The following ZNF385D variants were observed in gnomAD, a reference collection of about 807,000 sequenced individuals.
ZNF385D encodes the protein zinc finger protein 385D, also known as zinc finger protein 659.
In ZNF385D, 15 loss-of-function variants were observed where a neutral mutation model predicts 35.8. The observed-to-expected ratio is 0.42, with a 90% CI of 0.28 to 0.64. The LOEUF is 0.64. Among genes scored for constraint, ZNF385D ranks in the 30% least tolerant of loss-of-function variants. The probability of loss-of-function intolerance (pLI) is 0.23; values close to 1 mark genes in which losing one functional copy is unlikely to be tolerated. For synonymous variants in ZNF385D, 212 were observed against 186.8 expected, an observed-to-expected ratio of 1.13 and a Z score of -1.10; for missense variants, 474 against 494.6, an observed-to-expected ratio of 0.96 and a Z score of 0.39.
Position 21,602,512 on chromosome 3 carries a change from A to ATTTTTTTTTTTT in ZNF385D, c.166-37829_166-37828insAAAAAAAAAAAA, listed in dbSNP as rs199882061. 2.3e-4 allele frequency among the ~76,000 whole-genome samples: 21 copies of ATTTTTTTTTTTT among 90,198 alleles called. 2 individuals carry two copies. Among genetic ancestry groups the ATTTTTTTTTTTT allele is most frequent in the African/African-American group, 8.2e-4 (14 of 17,118 alleles). The allele number at this position is 90,198 out of a possible 152,430, so 59.2% of individuals were successfully genotyped here. A position where few individuals can be genotyped will look rare whatever the true frequency, so the allele number is the denominator to read the frequency against. On this transcript the variant is annotated intron_variant, in intron 2 of 7. Transcript: ENST00000281523. ...GAATTTAGGTCTCCTGTTTCCCTGC[A>ATTTTTTTTTTTT]TTTTCTTTTTTTTTTTTTTTTTTTT...
At chr3:21,876,872 T>C (rs1211090327) in intron 3 of ZNF385D, among the ~76,000 whole-genome samples, 1 of 152,150 alleles carries the variant, frequency 6.6e-6, no homozygotes. Flanking sequence ...AATTGCTTTC[T>C]TTAGGATCAC....
chr3:21,664,949 T>C lies in ZNF385D; in HGVS notation c.102A>G (p.Lys34=), dbSNP rs1299434113. The change falls in exon 2 of 8, where the codon AAA becomes AAG. Residue 34 remains lysine (K), a synonymous_variant. Transcript: ENST00000281523. The part of the protein sequence containing the change: ...APPLQPSLDI[K]PFLPFPLDTA... ...TGTCAAGAGGAAAGGGAAGAAATGG[T>C]TTAATATCCAGCGATGGTTGCAAAG... 1 of 1,613,384 alleles carries C rather than the reference T, an allele frequency of 6.2e-7. No individual in the cohort carries two copies. The highest frequency in any genetic ancestry group is 1.3e-5 in the African/African-American group (1 of 74,806).
chr3:21,804,868 T>C (rs1470859424), intron 3 of ZNF385D, among the ~76,000 whole-genome samples: 1 of 23,432 alleles, frequency 4.3e-5, no homozygotes, highest in African/African-American at 2.5e-4. Context: ...TTTACCACTA[T>C]TATAAGAAAG....
intron 3 of ZNF385D, among the ~76,000 whole-genome samples, chr3:21,771,033 T>C (rs2071054335): frequency 7.4e-6 from 1 of 135,126 alleles, no homozygotes; most frequent in African/African-American, 2.8e-5. Flanking sequence ...AGGTGGGAAT[T>C]GAACAATGAA....
At chr3:22,304,161 A>C (rs1051842363) in intron 2 of ZNF385D, among the ~76,000 whole-genome samples, 1 of 152,216 alleles carries the variant, frequency 6.6e-6, no homozygotes, top group African/African-American at 2.4e-5. Flanking sequence ...CTTCAAGTGT[A>C]ATTTTTAATA....
At chr3:21,828,051 C>T (rs577931853) in intron 3 of ZNF385D, among the ~76,000 whole-genome samples, 2 of 152,198 alleles carry the variant, frequency 1.3e-5, no homozygotes, top group South Asian at 2.1e-4. Context: ...TCCTCCCTGC[C>T]CTGTACTTAC....
intron 2 of ZNF385D, among the ~76,000 whole-genome samples, chr3:22,312,424 C>A (rs1703613901): frequency 1.3e-5 from 2 of 152,186 alleles, no homozygotes; most frequent in Admixed American, 6.6e-5. Context: ...TACTAAAGAG[C>A]TTCTGCACAG....
rs1297036685 is a variant in ZNF385D, at chr3:22,217,957, C to T, written c.107-48922G>A. Among the ~76,000 whole-genome samples, 23 of 152,242 alleles carry T rather than the reference C, an allele frequency of 1.5e-4. 1 individual carries two copies. Among genetic ancestry groups the T allele is most frequent in the Non-Finnish European group, 1.0e-4 (7 of 68,010 alleles). ...GTCACTCCCTCTCTTTCAAATTCAC[C>T]GTCCTTTTATGGTTCTCTTTTACCT... On this transcript the variant is annotated intron_variant, in intron 2 of 5. Transcript: ENST00000494108.
At chr3:21,721,589 A>G (rs569661766) in intron 1 of ZNF385D, among the ~76,000 whole-genome samples, 3 of 152,268 alleles carry the variant, frequency 2.0e-5, no homozygotes, top group Non-Finnish European at 2.9e-5. Flanking sequence ...AGGCTACCTA[A>G]TTTACTTTAA....
chr3:22,105,112 T>G lies in ZNF385D; in HGVS notation c.325+63705A>C, dbSNP rs546756013. Among the ~76,000 whole-genome samples the G allele has an allele frequency of 3.3e-5, 5 of 152,254 alleles. No homozygotes were observed. In the South Asian group the frequency reaches 1.0e-3, roughly 32 times the overall value. On this transcript the variant is annotated intron_variant, in intron 3 of 5. Transcript: ENST00000494108. ...AGGGGCCAAGATAAGTATTCACTTT[T>G]ACAGTCTAATGTACTTATCTATTTA...
intron 2 of ZNF385D, among the ~76,000 whole-genome samples, chr3:22,193,658 A>C (rs1559443085): frequency 6.6e-6 from 1 of 151,966 alleles, no homozygotes; most frequent in Admixed American, 6.6e-5. Context: ...GTGTTCCATG[A>C]AACTTTAGGA....
intron 3 of ZNF385D, among the ~76,000 whole-genome samples, chr3:22,042,903 T>C (rs1463095330): frequency 6.6e-6 from 1 of 152,176 alleles, no homozygotes; most frequent in Non-Finnish European, 1.5e-5. Flanking sequence ...GTGTGAACTT[T>C]GCCATCACCA....
At chr3:21,763,856 A>T (rs1180176625) in intron 3 of ZNF385D, among the ~76,000 whole-genome samples, 1 of 152,172 alleles carries the variant, frequency 6.6e-6, no homozygotes, top group African/African-American at 2.4e-5. Context: ...AAGACATTAA[A>T]ATGTTTTCAT....
intron 2 of ZNF385D, among the ~76,000 whole-genome samples, chr3:22,177,151 C>A (rs770642605): frequency 1.3e-5 from 2 of 152,142 alleles, no homozygotes; most frequent in Non-Finnish European, 2.9e-5. Context: ...GCCATCACAC[C>A]AGGGATGCTG....
At chr3:21,764,875 C>A (rs1185824694) in intron 3 of ZNF385D, among the ~76,000 whole-genome samples, 1 of 152,072 alleles carries the variant, frequency 6.6e-6, no homozygotes, top group Non-Finnish European at 1.5e-5. Flanking sequence ...GGCTCCCAAG[C>A]TTATTTTTTT....
chr3:21,950,423 T>G (rs1055743989), intron 3 of ZNF385D, among the ~76,000 whole-genome samples: 5 of 151,888 alleles, frequency 3.3e-5, no homozygotes, highest in Admixed American at 2.0e-4. Flanking sequence ...GTAAACTTGC[T>G]TAAGTTCTTT....
chr3:21,921,536 A>C (rs1278729458), intron 3 of ZNF385D, among the ~76,000 whole-genome samples: 1 of 152,138 alleles, frequency 6.6e-6, no homozygotes, highest in African/African-American at 2.4e-5. Context: ...ATATCAAAGC[A>C]ATCAATAGAA....
chr3:21,508,572 C>T (rs9310647), intron 4 of ZNF385D, among the ~76,000 whole-genome samples: 76,448 of 151,798 alleles, frequency 0.5, 19,552 homozygotes, highest in East Asian at 0.67. Flanking sequence ...GTACCTAAGA[C>T]TAGATGGTGC....
Position 21,627,260 on chromosome 3 carries a change from TGTGTG to T in ZNF385D, c.165+37621_165+37625del, listed in dbSNP as rs752763324. ...AAGAGGTGTAGGGTGTGTGTGTGTG[TGTGTG>T]TGTGTGTGTGTGTGTGTGTGTGAAT... is the stretch of plus-strand genomic sequence containing the variant. On this transcript the variant is annotated intron_variant, in intron 2 of 7. Coordinates refer to ENST00000281523, the MANE Select transcript of ZNF385D (RefSeq NM_024697.3). 3.9e-3 allele frequency among the ~76,000 whole-genome samples: 577 copies of T among 146,730 alleles called. 3 individuals are homozygous for T. The highest frequency in any genetic ancestry group is 7.0e-3 in the Non-Finnish European group (464 of 66,694).
Sources: allele counts gnomAD v4.1 joint callset (sites outside exome capture counted in the v4.1 genomes callset), GRCh38; gene constraint gnomAD v4.1.1; transcripts MANE v1.5; gene names NCBI Gene and HGNC (gene_info 2026-07-23, HGNC 2026-07-21).